The following BANK1 variants were observed in gnomAD, a reference collection of about 807,000 sequenced individuals.
BANK1 encodes B cell scaffold protein with ankyrin repeats 1, also known as B-cell scaffold protein with ankyrin repeats.
Under a neutral mutation model 94.5 loss-of-function variants are expected in BANK1, and 95 were observed. The observed-to-expected ratio is 1.00, with a 90% CI of 0.85 to 1.19. BANK1 has a LOEUF of 1.19. Ranked by LOEUF, BANK1 falls within the 50% of genes most tolerant of loss-of-function variation. The probability of loss-of-function intolerance (pLI) is 0.00; values close to 1 mark genes in which losing one functional copy is unlikely to be tolerated. For missense variants in BANK1, 987 were observed against 932.2 expected, an observed-to-expected ratio of 1.06 and a Z score of -0.77; for synonymous variants, 334 against 308.4, an observed-to-expected ratio of 1.08 and a Z score of -0.87.
chr4:101,802,685 T>C (rs1270274200), intron 1 of BANK1, among the ~76,000 whole-genome samples: 1 of 152,210 alleles, frequency 6.6e-6, no homozygotes, highest in African/African-American at 2.4e-5. Flanking sequence ...TAGGACCGTA[T>C]GTAACTTCAT....
chr4:101,857,095 G>A (rs1277597089), intron 3 of BANK1, among the ~76,000 whole-genome samples: 1 of 152,108 alleles, frequency 6.6e-6, no homozygotes, highest in East Asian at 1.9e-4. Flanking sequence ...CTGTCTGAAA[G>A]CACAACCTTT....
chr4:102,005,511 T>C (rs1578449729), intron 7 of BANK1, among the ~76,000 whole-genome samples: 1 of 152,226 alleles, frequency 6.6e-6, no homozygotes. Flanking sequence ...CAGTTGGTTC[T>C]AGTGGACACA....
chr4:101,870,919 A>G (rs1728263571), intron 5 of BANK1, among the ~76,000 whole-genome samples: 1 of 152,060 alleles, frequency 6.6e-6, no homozygotes, highest in Admixed American at 6.6e-5. Context: ...TTACAAGCAG[A>G]TAAAGGGAGA....
chr4:102,043,964 T>C (rs561158190), intron 11 of BANK1, 57 bp downstream of exon 11: 25 of 1,072,208 alleles, frequency 2.3e-5, no homozygotes, highest in African/African-American at 1.6e-4. Context: ...TCAAGAAATC[T>C]TATGAATACA....
At chr4:102,058,960 A>G (rs900069677) in intron 11 of BANK1, among the ~76,000 whole-genome samples, 1 of 152,230 alleles carries the variant, frequency 6.6e-6, no homozygotes, top group Non-Finnish European at 1.5e-5. Flanking sequence ...TCACTGTTAC[A>G]GTCCTTCTCA....
intron 7 of BANK1, among the ~76,000 whole-genome samples, chr4:101,973,772 A>G (rs533265130): frequency 6.6e-6 from 1 of 152,212 alleles, no homozygotes; most frequent in South Asian, 2.1e-4. Context: ...AACAAAAGTA[A>G]TATTATCTTT....
rs540928673 is a variant in BANK1, at chr4:101,884,694, T to C, written c.904-10611T>C. The stretch of plus-strand genomic sequence containing the variant: ...TTAATATCTTCTTACATACTTACTC[T>C]ACAAATTCAATCCATACTAATACAT... On this transcript the variant is annotated intron_variant, in intron 5 of 16. Transcript: ENST00000322953. Among the ~76,000 whole-genome samples the C allele has an allele frequency of 2.6e-5, 4 of 152,342 alleles. No individual in the cohort carries two copies. The South Asian group carries it at 8.3e-4, about 32-fold the overall frequency.
intron 7 of BANK1, among the ~76,000 whole-genome samples, chr4:101,950,054 TGTGTGTGCGC>T (rs1281742148): frequency 4.5e-4 from 25 of 55,868 alleles, no homozygotes; most frequent in African/African-American, 1.4e-3. Context: ...TGTGTGTGTG[TGTGTGTGCGC>T]GTGCGCGCGC....
chr4:101,962,797 T>G (rs1399448320), intron 7 of BANK1, among the ~76,000 whole-genome samples: 4 of 152,152 alleles, frequency 2.6e-5, no homozygotes, highest in Non-Finnish European at 5.9e-5. Context: ...TGTATAGTGT[T>G]CTAGTATGGC....
intron 1 of BANK1, among the ~76,000 whole-genome samples, chr4:101,811,843 A>G (rs1187398251): frequency 6.6e-6 from 1 of 152,128 alleles, no homozygotes; most frequent in Non-Finnish European, 1.5e-5. Context: ...TTAATGAGAT[A>G]TTAGAATAAA....
chr4:101,855,015 A>G lies in BANK1; in HGVS notation c.470-20A>G. On this transcript the variant is annotated intron_variant, in intron 2 of 16. Transcript: ENST00000322953. ...TGGCTTTAGTTATATTATAATCTAC[A>G]TTCATAAAATTTTCTCTAGATTCTG... 6.3e-7 allele frequency: 1 copy of G among 1,578,184 alleles called. No homozygotes were observed. The highest frequency in any genetic ancestry group is 8.7e-7 in the Non-Finnish European group (1 of 1,152,368).
intron 6 of BANK1, among the ~76,000 whole-genome samples, chr4:101,917,654 G>A (rs188862336): frequency 1.8e-3 from 268 of 151,936 alleles, no homozygotes; most frequent in African/African-American, 6.1e-3. Flanking sequence ...GTTATTTAGC[G>A]TTTGGTTAAT....
Position 102,074,301 on chromosome 4 carries a change from A to C in BANK1, c.*302A>C, listed in dbSNP as rs1728852975. On this transcript the variant is annotated 3_prime_UTR_variant, in exon 17 of 17. Coordinates refer to ENST00000322953, the MANE Select transcript of BANK1 (RefSeq NM_017935.5). ...TCCATTTTGAAAATTAAAAGAAAACAGCACAGAGAAGTTAAATGCGGTGTA... is the reference window on the plus strand; with the variant it reads ...TCCATTTTGAAAATTAAAAGAAAACCGCACAGAGAAGTTAAATGCGGTGTA... 1 of 152,262 alleles carries C rather than the reference A, an allele frequency of 6.6e-6. No homozygotes were observed. Among genetic ancestry groups the C allele is most frequent in the Non-Finnish European group, 1.5e-5 (1 of 68,066 alleles). 9.4% of individuals were successfully genotyped at this position (152,262 alleles called of 1,614,324 possible). A position where few individuals can be genotyped will look rare whatever the true frequency, so the allele number is the denominator to read the frequency against.
intron 7 of BANK1, among the ~76,000 whole-genome samples, chr4:101,933,803 C>T (rs528267571): frequency 4.8e-4 from 72 of 151,566 alleles, no homozygotes; most frequent in Middle Eastern, 3.4e-3. Flanking sequence ...CTATTCAGAT[C>T]TCATGACAGT....
At chr4:101,945,383 T>G (rs2148911938) in intron 7 of BANK1, among the ~76,000 whole-genome samples, 1 of 152,084 alleles carries the variant, frequency 6.6e-6, no homozygotes, top group Non-Finnish European at 1.5e-5. Context: ...CTTGCTATGT[T>G]CCAGGAAATA....
intron 1 of BANK1, among the ~76,000 whole-genome samples, chr4:101,792,383 T>C (rs1341040384): frequency 1.3e-5 from 2 of 151,170 alleles, no homozygotes; most frequent in Admixed American, 1.3e-4. Context: ...CTTTTGACAT[T>C]ATCCCATGCC....
intron 3 of BANK1, among the ~76,000 whole-genome samples, chr4:101,862,169 T>A (rs1727900953): frequency 6.6e-6 from 1 of 152,144 alleles, no homozygotes; most frequent in African/African-American, 2.4e-5. Context: ...GGTTAACAGC[T>A]GAATTATAGC....
At chr4:101,912,712 A>C (rs748723173) in intron 6 of BANK1, among the ~76,000 whole-genome samples, 3 of 150,934 alleles carry the variant, frequency 2.0e-5, no homozygotes, top group Non-Finnish European at 4.4e-5. Flanking sequence ...GGTTTCCCTA[A>C]TCATTCTCAT....
intron 6 of BANK1, among the ~76,000 whole-genome samples, chr4:101,897,243 G>C (rs1276467302): frequency 6.6e-6 from 1 of 151,980 alleles, no homozygotes; most frequent in Non-Finnish European, 1.5e-5. Context: ...GCATACAATG[G>C]TGTGAAGATG....
Sources: allele counts gnomAD v4.1 joint callset (sites outside exome capture counted in the v4.1 genomes callset), GRCh38; gene constraint gnomAD v4.1.1; transcripts MANE v1.5; gene names NCBI Gene and HGNC (gene_info 2026-07-23, HGNC 2026-07-21).